Variants in PTPRD observed in about 807,000 individuals in gnomAD.
PTPRD encodes protein tyrosine phosphatase receptor type D.
A neutral mutation model predicts 214.5 loss-of-function variants in PTPRD; 34 were observed. The observed-to-expected ratio is 0.16, with a 90% CI of 0.12 to 0.21. PTPRD has a LOEUF of 0.21. Ranked by LOEUF, PTPRD falls within the 10% of genes least tolerant of loss-of-function variation. The pLI is 1.00. For synonymous variants in PTPRD, 1,128 were observed against 845.7 expected (o/e 1.33, Z -5.79); for missense variants, 2,545 against 2,398.7 (o/e 1.06, Z -1.27).
intron 10 of PTPRD, among the ~76,000 whole-genome samples, chr9:9,024,334 C>CTTAGTTT (rs1169168298): frequency 4.1e-5 from 3 of 72,750 alleles, no homozygotes; most frequent in African/African-American, 9.7e-5. Context: ...ATTGTCGATT[C>CTTAGTTT]TTTGTTTTTT....
chr9:10,312,975 G>A (rs73644413), intron 3 of PTPRD, among the ~76,000 whole-genome samples: 1,842 of 151,920 alleles, frequency 0.012, 42 homozygotes, highest in African/African-American at 0.042. Flanking sequence ...TCTGTCAATG[G>A]TCCTGACACT....
rs771501697 is a variant in PTPRD at position 9,641,261 on chromosome 9, T to C, written c.-286-66480A>G. ...GAAATATCAGGTAATGATAAAGTGG[T>C]GAACATGCCTTTCATCAGCTGAAAA... On this transcript the variant is annotated intron_variant, in intron 7 of 45. Coordinates refer to ENST00000381196, the MANE Select transcript of PTPRD (RefSeq NM_002839.4). 2.3e-4 allele frequency among the ~76,000 whole-genome samples: 35 copies of C among 152,304 alleles called. No individual in the cohort carries two copies. The Middle Eastern group carries it at 0.024, about 104-fold the overall frequency.
In PTPRD at chr9:9,337,240, A is replaced by G. The variant is rs150670346; in HGVS notation, c.-203+60209T>C. Among the ~76,000 whole-genome samples, 415 of 152,306 alleles carry G rather than the reference A, an allele frequency of 2.7e-3. 4 individuals carry two copies. The Middle Eastern group carries it at 0.031, about 11-fold the overall frequency. ...AAATGCAACATTATGTCCAATCACT[A>G]TAACTAAAGAAACAATGTATCCAAA... On this transcript the variant is annotated intron_variant, in intron 9 of 45. Coordinates refer to ENST00000381196, the MANE Select transcript of PTPRD (RefSeq NM_002839.4).
At chr9:9,035,504 G>T (rs1011780264) in intron 10 of PTPRD, among the ~76,000 whole-genome samples, 1 of 151,902 alleles carries the variant, frequency 6.6e-6, no homozygotes, top group Non-Finnish European at 1.5e-5. Flanking sequence ...ATCAGCTTGC[G>T]CCATGCTCCA....
intron 14 of PTPRD, among the ~76,000 whole-genome samples, chr9:8,548,063 G>A (rs373117791): frequency 1.6e-4 from 24 of 152,158 alleles, no homozygotes; most frequent in African/African-American, 5.1e-4. Flanking sequence ...GGTGAATAAC[G>A]ATTTTGCTGG....
chr9:9,454,381 C>T (rs149744171), intron 8 of PTPRD, among the ~76,000 whole-genome samples: 37 of 151,852 alleles, frequency 2.4e-4, no homozygotes, highest in African/African-American at 8.9e-4. Context: ...TGAGTTGGCT[C>T]TAGCATATCA....
intron 7 of PTPRD, among the ~76,000 whole-genome samples, chr9:9,578,759 A>G (rs1392675585): frequency 1.3e-5 from 2 of 152,088 alleles, no homozygotes; most frequent in African/African-American, 4.8e-5. Context: ...CTGAAAGCCA[A>G]CAATTGCCTG....
At chr9:8,909,375 C>A (rs576696801) in intron 11 of PTPRD, among the ~76,000 whole-genome samples, 16 of 152,150 alleles carry the variant, frequency 1.1e-4, no homozygotes, top group Admixed American at 6.5e-5. Context: ...ATATTAGCAA[C>A]CTAAATCTAC....
At chr9:9,601,109 A>ATG (rs1273113716) in intron 7 of PTPRD, among the ~76,000 whole-genome samples, 24 of 102,166 alleles carry the variant, frequency 2.3e-4, no homozygotes, top group South Asian at 1.8e-3. Context: ...AGAGATTAAT[A>ATG]TATGTGTGTG....
chr9:9,248,723 A>G (rs1220565769), intron 9 of PTPRD, among the ~76,000 whole-genome samples: 1 of 152,146 alleles, frequency 6.6e-6, no homozygotes, highest in African/African-American at 2.4e-5. Context: ...CTGAGACTGT[A>G]CCATCCTTTA....
At chr9:10,202,413 G>A (rs1189706562) in intron 3 of PTPRD, among the ~76,000 whole-genome samples, 11 of 151,304 alleles carry the variant, frequency 7.3e-5, no homozygotes, top group Admixed American at 5.3e-4. Context: ...TTAGTCTAAG[G>A]TGCTTTTCCC....
chr9:9,531,828 T>C (rs1244496593), intron 8 of PTPRD, among the ~76,000 whole-genome samples: 1 of 152,096 alleles, frequency 6.6e-6, no homozygotes, highest in African/African-American at 2.4e-5. Flanking sequence ...ACAGTTCTTT[T>C]TAAATAAGAT....
At chr9:8,491,658 T>TA (rs922847603) in intron 27 of PTPRD, among the ~76,000 whole-genome samples, 13,973 of 113,452 alleles carry the variant, frequency 0.12, 891 homozygotes, top group South Asian at 0.17. Context: ...CAATGGTATT[T>TA]AAAAAAAAAA....
At chr9:8,343,016 T>C (rs1462209949) in intron 39 of PTPRD, among the ~76,000 whole-genome samples, 2 of 152,024 alleles carry the variant, frequency 1.3e-5, no homozygotes, top group African/African-American at 2.4e-5. Context: ...TTTTCATAGG[T>C]CTGGCAAGGC....
chr9:9,415,264 A>C (rs1467962970), intron 8 of PTPRD, among the ~76,000 whole-genome samples: 1 of 152,084 alleles, frequency 6.6e-6, no homozygotes, highest in Non-Finnish European at 1.5e-5. Flanking sequence ...TCTCGAGGCT[A>C]GGAGTTTGAG....
chr9:8,713,967 T>C (rs1202255040), intron 12 of PTPRD: 1 of 614,740 alleles, frequency 1.6e-6, no homozygotes, highest in Non-Finnish European at 2.9e-6. Flanking sequence ...AGGCCTGACC[T>C]TGGTACACAG....
At chr9:9,262,024 C>G (rs2099980339) in intron 9 of PTPRD, among the ~76,000 whole-genome samples, 1 of 151,598 alleles carries the variant, frequency 6.6e-6, no homozygotes, top group Non-Finnish European at 1.5e-5. Flanking sequence ...CTACAAAGCC[C>G]TCTTGCAAAA....
intron 3 of PTPRD, among the ~76,000 whole-genome samples, chr9:10,067,973 A>G (rs1310392067): frequency 1.3e-5 from 2 of 151,942 alleles, no homozygotes; most frequent in Non-Finnish European, 2.9e-5. Context: ...ATTTTGTGCT[A>G]GCTGACTCCA....
chr9:9,253,692 G>A (rs894306561), intron 9 of PTPRD, among the ~76,000 whole-genome samples: 56 of 152,082 alleles, frequency 3.7e-4, no homozygotes, highest in East Asian at 7.8e-4. Context: ...TGTAATTTTC[G>A]TAGTCCTCTT....
Sources: gnomAD v4.1 joint callset for allele counts (sites outside exome capture counted in the v4.1 genomes callset) on GRCh38, gnomAD v4.1.1 for gene constraint, MANE v1.5 for transcripts, NCBI Gene and HGNC (gene_info 2026-07-23, HGNC 2026-07-21) for gene names.